The following SDK1 variants were observed in gnomAD, a reference collection of about 807,000 sequenced individuals.
SDK1 encodes the protein protein sidekick-1.
A neutral mutation model predicts 245.5 loss-of-function variants in SDK1; 157 were observed. That is an observed-to-expected ratio of 0.64 (90% CI 0.56 to 0.73). The LOEUF (loss-of-function observed/expected upper bound fraction) is 0.73, where lower values mean the gene tolerates loss of function less well. Ranked by LOEUF, SDK1 falls within the 30% of genes least tolerant of loss-of-function variation. The probability of loss-of-function intolerance (pLI) is 0.00; values close to 1 mark genes in which losing one functional copy is unlikely to be tolerated. For missense variants in SDK1, 3,583 were observed against 3,002.3 expected, an observed-to-expected ratio of 1.19 and a Z score of -4.52; for synonymous variants, 1,647 against 1,278.5, an observed-to-expected ratio of 1.29 and a Z score of -6.15.
intron 1 of SDK1, 37 bp from the exon 2 acceptor site, chr7:3,619,043 C>T: frequency 1.4e-6 from 2 of 1,476,940 alleles, no homozygotes; most frequent in Non-Finnish European, 1.8e-6. Flanking sequence ...TTCATGCGTA[C>T]TTCAGTTTTG....
At chr7:3,932,155 C>T (rs1260872058) in intron 5 of SDK1, among the ~76,000 whole-genome samples, 5 of 152,170 alleles carry the variant, frequency 3.3e-5, no homozygotes, top group African/African-American at 1.2e-4. Flanking sequence ...TATTCACCTG[C>T]CTTCCAGTCT....
intron 4 of SDK1, among the ~76,000 whole-genome samples, chr7:3,720,458 C>T (rs1211861305): frequency 1.3e-5 from 2 of 152,082 alleles, no homozygotes; most frequent in African/African-American, 4.8e-5. Flanking sequence ...ATACAAATGG[C>T]AAACAAACAT....
At chr7:3,371,188 G>C (rs146262319) in intron 1 of SDK1, among the ~76,000 whole-genome samples, 1 of 152,272 alleles carries the variant, frequency 6.6e-6, no homozygotes, top group Admixed American at 6.5e-5. Flanking sequence ...GCTCAGAGGA[G>C]AACACATCTC....
chr7:3,329,786 C>G (rs1020817696), intron 1 of SDK1, among the ~76,000 whole-genome samples: 3 of 152,244 alleles, frequency 2.0e-5, no homozygotes, highest in African/African-American at 7.2e-5. Flanking sequence ...CTGTACTGAA[C>G]ATATGCACAC....
chr7:3,850,492 C>G (rs1021647647), intron 5 of SDK1, among the ~76,000 whole-genome samples: 4 of 152,170 alleles, frequency 2.6e-5, no homozygotes, highest in Admixed American at 6.5e-5. Context: ...TTTGACCTAG[C>G]TATCCCATTA....
chr7:4,221,524 T>G (rs1158575419), intron 40 of SDK1, among the ~76,000 whole-genome samples, 160 bp downstream of exon 40: 7 of 152,208 alleles, frequency 4.6e-5, no homozygotes, highest in Admixed American at 4.6e-4. Flanking sequence ...CATGGCTCAC[T>G]CAGCTCCTCC....
intron 4 of SDK1, among the ~76,000 whole-genome samples, chr7:3,727,239 T>G (rs1257507983): frequency 6.6e-6 from 1 of 152,238 alleles, no homozygotes; most frequent in East Asian, 1.9e-4. Flanking sequence ...ACTTTTAGTT[T>G]AAAAAACAAC....
intron 1 of SDK1, among the ~76,000 whole-genome samples, chr7:3,436,248 CT>C (rs1355285289): frequency 1.3e-5 from 2 of 151,648 alleles, no homozygotes; most frequent in Non-Finnish European, 2.9e-5. Flanking sequence ...TATTTTATGG[CT>C]GACTTTAGAA....
chr7:4,232,983 A>G (rs1785892212), intron 40 of SDK1: 1 of 347,760 alleles, frequency 2.9e-6, no homozygotes, highest in Admixed American at 4.1e-5. Flanking sequence ...GGAGATATGC[A>G]TAACCTAACG....
At chr7:3,962,957 C>T (rs1583651617) in intron 9 of SDK1, 106 bp downstream of exon 9, 1 of 509,276 alleles carries the variant, frequency 2.0e-6, no homozygotes, top group East Asian at 3.6e-5. Context: ...AGGCTCACAG[C>T]TACCTGACCT....
At chr7:3,824,764 G>A (rs936705008) in intron 5 of SDK1, among the ~76,000 whole-genome samples, 1 of 152,164 alleles carries the variant, frequency 6.6e-6, no homozygotes, top group African/African-American at 2.4e-5. Context: ...AAGATAGATA[G>A]GTTTTAGATT....
chr7:3,463,685 C>T (rs1392171526), intron 1 of SDK1, among the ~76,000 whole-genome samples: 2 of 152,172 alleles, frequency 1.3e-5, no homozygotes, highest in Non-Finnish European at 1.5e-5. Flanking sequence ...ACGATGGAGC[C>T]AGGGCTTAGG....
intron 13 of SDK1, among the ~76,000 whole-genome samples, chr7:3,985,094 A>T (rs1328660140): frequency 1.3e-5 from 2 of 152,182 alleles, no homozygotes; most frequent in Admixed American, 1.3e-4. Flanking sequence ...CAACCCTCTT[A>T]TCCCCATGAC....
intron 4 of SDK1, among the ~76,000 whole-genome samples, chr7:3,671,605 T>C (rs554801691): frequency 6.6e-6 from 1 of 152,286 alleles, no homozygotes; most frequent in South Asian, 2.1e-4. Flanking sequence ...ACTGAGTCAA[T>C]AGAAAAAAAT....
chr7:3,988,585 G>A (rs185616511), intron 14 of SDK1, among the ~76,000 whole-genome samples: 4 of 152,186 alleles, frequency 2.6e-5, no homozygotes, highest in Admixed American at 2.6e-4. Context: ...ACACCGGTCA[G>A]CCACACGGGA....
chr7:3,474,773 C>A lies in SDK1; in HGVS notation c.299-144307C>A, dbSNP rs141780983. On this transcript the variant is annotated intron_variant, in intron 1 of 44. Transcript: ENST00000404826. ...TGGCATGATCATAGCTCACTGCAGGCTGGAACTCCTGGGTTCAAGCGATCT... is the reference window on the plus strand; with the variant it reads ...TGGCATGATCATAGCTCACTGCAGGATGGAACTCCTGGGTTCAAGCGATCT... Among the ~76,000 whole-genome samples, 775 of 152,322 alleles carry A rather than the reference C, an allele frequency of 5.1e-3. 10 individuals carry two copies. The highest frequency in any genetic ancestry group is 4.7e-3 in the Non-Finnish European group (318 of 68,034).
At chr7:3,353,136 C>G (rs1780704265) in intron 1 of SDK1, among the ~76,000 whole-genome samples, 1 of 152,100 alleles carries the variant, frequency 6.6e-6, no homozygotes, top group African/African-American at 2.4e-5. Context: ...TTCCTGTTAT[C>G]ATTGTTCCCT....
chr7:3,373,418 G>T (rs1781275682), intron 1 of SDK1, among the ~76,000 whole-genome samples: 1 of 152,182 alleles, frequency 6.6e-6, no homozygotes, highest in African/African-American at 2.4e-5. Flanking sequence ...AAACCATATG[G>T]TCTCAATAGA....
At chr7:3,847,174 T>C (rs1174840054) in intron 5 of SDK1, among the ~76,000 whole-genome samples, 2 of 152,118 alleles carry the variant, frequency 1.3e-5, no homozygotes, top group Admixed American at 6.5e-5. Context: ...GCCTTTGCGA[T>C]TTCAACCTTT....
Sources: allele counts gnomAD v4.1 joint callset (sites outside exome capture counted in the v4.1 genomes callset), GRCh38; gene constraint gnomAD v4.1.1; transcripts MANE v1.5; gene names NCBI Gene and HGNC (gene_info 2026-07-23, HGNC 2026-07-21).